The following OR6J1 variants were observed in gnomAD, a reference collection of about 807,000 sequenced individuals.
The protein encoded by OR6J1 is olfactory receptor 6J1.
For missense variants in OR6J1, 304 were observed against 166.8 expected (o/e 1.82, Z -4.53); for synonymous variants, 109 against 70.0 (o/e 1.56, Z -2.78).
intron 1 of OR6J1, among the ~76,000 whole-genome samples, chr14:22,635,406 T>A (rs928614588): frequency 6.6e-6 from 1 of 152,228 alleles, no homozygotes; most frequent in Non-Finnish European, 1.5e-5. Context: ...AAGCATTATT[T>A]AAGTATTTAT....
rs1297531925 is a variant in OR6J1, at chr14:22,631,327, AC to A, written c.*2440del. 1 of 152,198 alleles carries A rather than the reference AC, an allele frequency of 6.6e-6. No homozygotes were observed. The highest frequency in any genetic ancestry group is 2.4e-5 in the African/African-American group (1 of 41,438). 9.4% of individuals were successfully genotyped at this position (152,198 alleles called of 1,614,324 possible). A position where few individuals can be genotyped will look rare whatever the true frequency, so the allele number is the denominator to read the frequency against. On this transcript the variant is annotated 3_prime_UTR_variant, in exon 2 of 2. Transcript: ENST00000540461. ...TCTATTTGACCCCTACAGTCTACAGACCATAAAAGACGGGCACGCCCAGGGG... is the reference window on the plus strand; with the variant it reads ...TCTATTTGACCCCTACAGTCTACAGACATAAAAGACGGGCACGCCCAGGGG...
At chr14:22,642,354 T>TATATATATATATATATATATATATA (rs56410146) in intron 1 of OR6J1, among the ~76,000 whole-genome samples, 5 of 137,808 alleles carry the variant, frequency 3.6e-5, no homozygotes, top group Non-Finnish European at 6.2e-5. Flanking sequence ...TATATATATA[T>TATATATATATATATATATATATATA]TTGAGATGGA....
intron 1 of OR6J1, among the ~76,000 whole-genome samples, chr14:22,637,139 C>T (rs1413695901): frequency 1.7e-5 from 2 of 115,914 alleles, no homozygotes; most frequent in Non-Finnish European, 3.3e-5. Flanking sequence ...CTCTGCCCGG[C>T]CGCCCTGTCT....
chr14:22,643,760 CACACAGAGAG>C (rs1210088223), intron 1 of OR6J1, among the ~76,000 whole-genome samples: 25 of 62,990 alleles, frequency 4.0e-4, no homozygotes, highest in Admixed American at 1.8e-3. Context: ...CACACACACA[CACACAGAGAG>C]AGAGAGAGAG....
chr14:22,641,472 AAAG>A (rs2037651544), intron 1 of OR6J1, among the ~76,000 whole-genome samples: 1 of 55,348 alleles, frequency 1.8e-5, no homozygotes. Flanking sequence ...AAAGAAAAAG[AAAG>A]AAAGGAAGGA....
rs2037618632 is a variant in OR6J1, at chr14:22,638,911, A to G, written c.-27-4073T>C. On this transcript the variant is annotated intron_variant, in intron 1 of 1. Transcript: ENST00000540461. ...CTTCCCAGCCGCCATCACATCTAGG[A>G]AGTGAGGAGCGTCTCTGCCCGGCCG... Among the ~76,000 whole-genome samples the G allele has an allele frequency of 2.6e-5, 3 of 117,146 alleles. 1 individual carries two copies. The highest frequency in any genetic ancestry group is 4.2e-5 in the African/African-American group (1 of 23,748). 76.9% of individuals were successfully genotyped at this position (117,146 alleles called of 152,430 possible).
At chr14:22,640,936 A>T (rs1566397441) in intron 1 of OR6J1, among the ~76,000 whole-genome samples, 2 of 150,212 alleles carry the variant, frequency 1.3e-5, no homozygotes, top group Non-Finnish European at 1.5e-5. Flanking sequence ...TGGAAGGCCG[A>T]GGTGGGAGGA....
intron 1 of OR6J1, among the ~76,000 whole-genome samples, chr14:22,636,649 C>G (rs1237209345): frequency 1.7e-5 from 2 of 115,372 alleles, no homozygotes; most frequent in South Asian, 5.0e-4. Flanking sequence ...CTCCTAGCCA[C>G]GAGTGATCCG....
chr14:22,640,236 AGGAT>A (rs1355480788), intron 1 of OR6J1, among the ~76,000 whole-genome samples: 1 of 101,682 alleles, frequency 9.8e-6, no homozygotes, highest in Non-Finnish European at 2.0e-5. Flanking sequence ...GAGGGAAGGA[AGGAT>A]GGAAGGAAGG....
intron 1 of OR6J1, among the ~76,000 whole-genome samples, chr14:22,643,660 G>A (rs1392114694): frequency 6.7e-6 from 1 of 148,586 alleles, no homozygotes; most frequent in Non-Finnish European, 1.5e-5. Flanking sequence ...AACCAATGTA[G>A]CAGGAGAAAA....
intron 1 of OR6J1, among the ~76,000 whole-genome samples, chr14:22,635,083 A>G (rs1280755527): frequency 1.3e-5 from 2 of 152,228 alleles, no homozygotes; most frequent in Non-Finnish European, 2.9e-5. Flanking sequence ...ACTTTCTAAA[A>G]GATAATTTAG....
chr14:22,638,798 GA>G (rs2037617192), intron 1 of OR6J1, among the ~76,000 whole-genome samples: 1 of 143,940 alleles, frequency 6.9e-6, no homozygotes, highest in Non-Finnish European at 1.5e-5. Flanking sequence ...ACTGCTAGGT[GA>G]GGAGCCCCTC....
Position 22,631,531 on chromosome 14 carries a change from C to A in OR6J1, c.*2237G>T, listed in dbSNP as rs545898550. On this transcript the variant is annotated 3_prime_UTR_variant, in exon 2 of 2. Transcript: ENST00000540461. ...AAGGTTGTCTCTCTTATTCCCTGAACAATTGCTGTTATCCTGTTCTTTTTC... is the reference window on the plus strand; with the variant it reads ...AAGGTTGTCTCTCTTATTCCCTGAAAAATTGCTGTTATCCTGTTCTTTTTC... 2.6e-5 allele frequency: 4 copies of A among 152,322 alleles called. No individual in the cohort carries two copies. Among genetic ancestry groups the A allele is most frequent in the African/African-American group, 7.2e-5 (3 of 41,572 alleles). 9.4% of individuals were successfully genotyped at this position (152,322 alleles called of 1,614,324 possible).
In OR6J1 at chr14:22,644,082, A is replaced by T. The variant is rs1029440027; in HGVS notation, c.-28+16T>A. On this transcript the variant is annotated intron_variant, in intron 1 of 1. Coordinates refer to ENST00000540461, the MANE Select transcript of OR6J1 (RefSeq NM_001348233.2). Reference sequence around the variant, plus strand: ...CCAGCCAGCCCCCAAATGCCAAACGATTGGTCTGCACTCACCTCGGCTAGG... The same window carrying T: ...CCAGCCAGCCCCCAAATGCCAAACGTTTGGTCTGCACTCACCTCGGCTAGG... 1 of 152,330 alleles carries T rather than the reference A, an allele frequency of 6.6e-6. No individual in the cohort carries two copies. Among genetic ancestry groups the T allele is most frequent in the Non-Finnish European group, 1.5e-5 (1 of 68,066 alleles). 9.4% of individuals were successfully genotyped at this position (152,330 alleles called of 1,614,324 possible).
At position 22,631,191 on chromosome 14, in the gene OR6J1, G is replaced by A. The variant is rs930307984; in HGVS notation, c.*2577C>T. On this transcript the variant is annotated 3_prime_UTR_variant, in exon 2 of 2. Transcript: ENST00000540461. The stretch of plus-strand genomic sequence containing the variant: ...TGAAGTTTCGGGCACCATTGTCATT[G>A]ATAACATCTTATCAGGAGACAGGGT... The A allele has an allele frequency of 2.0e-5, 3 of 152,284 alleles. No homozygotes were observed. The highest frequency in any genetic ancestry group is 2.0e-4 in the Admixed American group (3 of 15,288). 9.4% of individuals were successfully genotyped at this position (152,284 alleles called of 1,614,324 possible). A position where few individuals can be genotyped will look rare whatever the true frequency, so the allele number is the denominator to read the frequency against.
chr14:22,637,200 G>C (rs1469040908), intron 1 of OR6J1, among the ~76,000 whole-genome samples: 1 of 99,492 alleles, frequency 1.0e-5, no homozygotes, highest in African/African-American at 7.7e-5. Context: ...GAGAAGTGAG[G>C]AGCCCCTCCG....
At chr14:22,642,213 T>C (rs1173173105) in intron 1 of OR6J1, among the ~76,000 whole-genome samples, 3 of 151,584 alleles carry the variant, frequency 2.0e-5, no homozygotes, top group African/African-American at 7.3e-5. Flanking sequence ...TATTGATATA[T>C]AACTCAAGTA....
rs1351806321 is a variant in OR6J1, at chr14:22,632,083, A to G, written c.*1685T>C. 6.6e-6 allele frequency: 1 copy of G among 152,264 alleles called. No homozygotes were observed. The highest frequency in any genetic ancestry group is 1.9e-4 in the East Asian group (1 of 5,204). The allele number at this position is 152,264 out of a possible 1,614,324, so 9.4% of individuals were successfully genotyped here. On this transcript the variant is annotated 3_prime_UTR_variant, in exon 2 of 2. Coordinates refer to ENST00000540461, the MANE Select transcript of OR6J1 (RefSeq NM_001348233.2). ...CCTTCTGACCAGTTCCACGCAGAGC[A>G]TAGGGGTTAATTTAGCAAAGTGGAT...
rs533882190 is a variant in OR6J1, at chr14:22,638,267, TAGA to T, written c.-27-3432_-27-3430del. ...CAGATGGTTGCCGGGTCTGTGTGGA[TAGA>T]AGTAGACATGGGAGACTTTTCATTT... On this transcript the variant is annotated intron_variant, in intron 1 of 1. Coordinates refer to ENST00000540461, the MANE Select transcript of OR6J1 (RefSeq NM_001348233.2). Among the ~76,000 whole-genome samples, 12 of 63,232 alleles carry T rather than the reference TAGA, an allele frequency of 1.9e-4. No individual in the cohort carries two copies. In the South Asian group the frequency reaches 5.3e-3, roughly 28 times the overall value. 41.5% of individuals were successfully genotyped at this position (63,232 alleles called of 152,430 possible).
Sources: gnomAD v4.1 joint callset for allele counts (sites outside exome capture counted in the v4.1 genomes callset) on GRCh38, gnomAD v4.1.1 for gene constraint, MANE v1.5 for transcripts, NCBI Gene and HGNC (gene_info 2026-07-23, HGNC 2026-07-21) for gene names.